CLNK: variants seen among roughly 807,000 people sequenced by gnomAD.
CLNK encodes the protein cytokine dependent hematopoietic cell linker.
A neutral mutation model predicts 68.6 loss-of-function variants in CLNK; 74 were observed. The observed-to-expected ratio is 1.08, with a 90% confidence interval of 0.89 to 1.31. The LOEUF is 1.31. Ranked by LOEUF, CLNK falls within the 50% of genes most tolerant of loss-of-function variation. The pLI, the probability that CLNK is intolerant of heterozygous loss-of-function variation, is 0.00. For missense variants in CLNK, 553 were observed against 515.3 expected, an observed-to-expected ratio of 1.07 and a Z score of -0.71; for synonymous variants, 198 against 172.2, an observed-to-expected ratio of 1.15 and a Z score of -1.17.
rs370909549 is a variant in CLNK at position 10,533,235 on chromosome 4, G to A, written c.603-952C>T. 5.9e-5 allele frequency among the ~76,000 whole-genome samples: 9 copies of A among 152,276 alleles called. No homozygotes were observed. In the East Asian group the frequency reaches 1.7e-3, roughly 29 times the overall value. ...AGATCATCCACTGCACTCCAGCCTG[G>A]GTGACAGAGCGTGACTCCATTTCAA... On this transcript the variant is annotated intron_variant, in intron 11 of 18. Transcript: ENST00000226951.
upstream of CLNK, chr4:10,685,085 A>G (rs1247781667): frequency 6.6e-6 from 1 of 152,214 alleles, no homozygotes; most frequent in Non-Finnish European, 1.5e-5. Flanking sequence ...GTCTCACTTT[A>G]TATGAATAGT....
intron 16 of CLNK, among the ~76,000 whole-genome samples, chr4:10,508,733 A>T (rs1348809586): frequency 2.0e-5 from 3 of 152,110 alleles, no homozygotes; most frequent in Non-Finnish European, 4.4e-5. Context: ...TAGCATGTCA[A>T]TCCATCCCTA....
chr4:10,568,804 C>T (rs962334752), intron 5 of CLNK, among the ~76,000 whole-genome samples: 2 of 152,200 alleles, frequency 1.3e-5, no homozygotes, highest in Non-Finnish European at 2.9e-5. Context: ...AGACCCAGAA[C>T]AGGGGAACTA....
intron 2 of CLNK, among the ~76,000 whole-genome samples, chr4:10,666,950 G>C (rs901827853): frequency 3.9e-5 from 6 of 152,166 alleles, no homozygotes; most frequent in Middle Eastern, 3.2e-3. Context: ...CCTCCAGCCA[G>C]TGCCCACCTG....
intron 2 of CLNK, among the ~76,000 whole-genome samples, chr4:10,622,489 C>G (rs574278295): frequency 3.9e-4 from 59 of 152,276 alleles, no homozygotes; most frequent in African/African-American, 1.3e-3. Context: ...GCATGAAAGC[C>G]CTGACCAAGG....
the CLNK span, among the ~76,000 whole-genome samples, chr4:10,720,388 C>T: frequency 6.6e-6 from 1 of 151,872 alleles, no homozygotes; most frequent in Non-Finnish European, 1.5e-5. Context: ...AAAGACTTCT[C>T]AAAACCCGAT....
chr4:10,533,601 C>T (rs1474453136), intron 11 of CLNK, among the ~76,000 whole-genome samples: 4 of 152,138 alleles, frequency 2.6e-5, no homozygotes, highest in Non-Finnish European at 5.9e-5. Flanking sequence ...TACATCTTAC[C>T]CCCTGCCTCC....
chr4:10,699,264 TAC>T, the CLNK span, among the ~76,000 whole-genome samples: 37 of 69,982 alleles, frequency 5.3e-4, 8 homozygotes, highest in East Asian at 1.4e-3. Context: ...TATGTGTGTA[TAC>T]ACACACACAC....
At chr4:10,633,962 GAATGA>G (rs1355109195) in intron 2 of CLNK, among the ~76,000 whole-genome samples, 1 of 152,214 alleles carries the variant, frequency 6.6e-6, no homozygotes, top group East Asian at 1.9e-4. Context: ...AGTGAGGTCA[GAATGA>G]GAACTCCCAT....
At chr4:10,585,330 G>T (rs1720928896) in intron 3 of CLNK, among the ~76,000 whole-genome samples, 1 of 152,178 alleles carries the variant, frequency 6.6e-6, no homozygotes, top group African/African-American at 2.4e-5. Context: ...TCTGCCTAAA[G>T]GTTTCTCTAT....
At chr4:10,641,909 G>T (rs565545147) in intron 2 of CLNK, among the ~76,000 whole-genome samples, 2 of 152,222 alleles carry the variant, frequency 1.3e-5, no homozygotes, top group South Asian at 4.2e-4. Context: ...TTCCCCTTTT[G>T]CTTGGTTCTC....
At chr4:10,574,980 G>A (rs897317021) in intron 4 of CLNK, among the ~76,000 whole-genome samples, 3 of 152,150 alleles carry the variant, frequency 2.0e-5, no homozygotes, top group Non-Finnish European at 4.4e-5. Context: ...TGGGGAGCTC[G>A]GTTGTTGGAG....
the CLNK span, among the ~76,000 whole-genome samples, chr4:10,695,966 C>T: frequency 6.6e-6 from 1 of 151,990 alleles, no homozygotes; most frequent in Non-Finnish European, 1.5e-5. Context: ...AGCAACTCTC[C>T]TGCCTCAGCC....
chr4:10,598,723 C>G, intron 2 of CLNK: 3 of 420,664 alleles, frequency 7.1e-6, no homozygotes, highest in Non-Finnish European at 1.4e-5. Context: ...TTATGCATTC[C>G]TAGTTCATTT....
At chr4:10,701,342 CAT>C in the CLNK span, among the ~76,000 whole-genome samples, 5 of 152,194 alleles carry the variant, frequency 3.3e-5, no homozygotes, top group Non-Finnish European at 5.9e-5. Flanking sequence ...CCCCATGAAA[CAT>C]ATGTGTCCTG....
At chr4:10,692,894 A>G in the CLNK span, among the ~76,000 whole-genome samples, 13 of 152,242 alleles carry the variant, frequency 8.5e-5, no homozygotes, top group Admixed American at 1.3e-4. Flanking sequence ...AATTTATGCC[A>G]TATAATTTGA....
chr4:10,516,584 CTT>C (rs1717845228), intron 15 of CLNK, among the ~76,000 whole-genome samples: 1 of 132,560 alleles, frequency 7.5e-6, no homozygotes. Flanking sequence ...TGGAGTTTTG[CTT>C]TTGTTGCCCA....
At chr4:10,521,545 C>T (rs1320397729) in intron 14 of CLNK, among the ~76,000 whole-genome samples, 1 of 152,224 alleles carries the variant, frequency 6.6e-6, no homozygotes, top group African/African-American at 2.4e-5. Flanking sequence ...AAGGACTGTG[C>T]TATTGACTAA....
intron 3 of CLNK, among the ~76,000 whole-genome samples, chr4:10,593,774 T>A (rs1183198588): frequency 6.6e-6 from 1 of 152,174 alleles, no homozygotes; most frequent in Admixed American, 6.5e-5. Flanking sequence ...TCCCCCTGGA[T>A]CTAACTATTG....
Sources: gnomAD v4.1 joint callset for allele counts (sites outside exome capture counted in the v4.1 genomes callset) on GRCh38, gnomAD v4.1.1 for gene constraint, MANE v1.5 for transcripts, NCBI Gene and HGNC (gene_info 2026-07-23, HGNC 2026-07-21) for gene names.